IMMP2L: variants seen among roughly 807,000 people sequenced by gnomAD.
IMMP2L encodes the protein inner mitochondrial membrane peptidase subunit 2.
A neutral mutation model predicts 19.3 loss-of-function variants in IMMP2L; 18 were observed. The ratio of observed to expected loss-of-function variants is 0.93; its 90% CI spans 0.64 to 1.38. The LOEUF (loss-of-function observed/expected upper bound fraction) is 1.38, where lower values mean the gene tolerates loss of function less well. IMMP2L is among the 40% of genes most tolerant of loss of function. The pLI, the probability that IMMP2L is intolerant of heterozygous loss-of-function variation, is 0.00. For synonymous variants in IMMP2L, 76 were observed against 73.0 expected, an observed-to-expected ratio of 1.04 and a Z score of -0.21; for missense variants, 233 against 218.2, an observed-to-expected ratio of 1.07 and a Z score of -0.43.
chr7:111,010,107 A>G (rs1824775622), intron 3 of IMMP2L, among the ~76,000 whole-genome samples: 1 of 152,164 alleles, frequency 6.6e-6, no homozygotes, highest in African/African-American at 2.4e-5. Context: ...AGCATTTCCC[A>G]TAGATTTTAC....
rs372004006 is a variant in IMMP2L, at chr7:111,131,124, T to C, written c.240-167559A>G. Among the ~76,000 whole-genome samples, 7 of 151,964 alleles carry C rather than the reference T, an allele frequency of 4.6e-5. No individual in the cohort carries two copies. In the South Asian group the frequency reaches 1.2e-3, roughly 27 times the overall value. The stretch of plus-strand genomic sequence containing the variant: ...ATTTCTTCTAACCACGGATATGGCA[T>C]ATATAAAATGCATTTTAAAAGTAGA... On this transcript the variant is annotated intron_variant, in intron 3 of 5. Coordinates refer to ENST00000405709, the MANE Select transcript of IMMP2L (RefSeq NM_032549.4).
intron 1 of IMMP2L, among the ~76,000 whole-genome samples, chr7:111,537,154 C>T (rs758669395): frequency 2.0e-5 from 3 of 151,938 alleles, no homozygotes; most frequent in Admixed American, 6.6e-5. Context: ...AGATATTGAA[C>T]ATTAAGCATT....
At chr7:110,994,246 C>T (rs930597804) in intron 3 of IMMP2L, among the ~76,000 whole-genome samples, 4 of 151,914 alleles carry the variant, frequency 2.6e-5, no homozygotes, top group African/African-American at 9.7e-5. Context: ...CTTGATTTCA[C>T]ACAAGCCATA....
At chr7:110,946,082 C>G (rs553317684) in intron 4 of IMMP2L, among the ~76,000 whole-genome samples, 5 of 152,138 alleles carry the variant, frequency 3.3e-5, no homozygotes, top group African/African-American at 9.7e-5. Context: ...AGGCCAAATA[C>G]GAAAACAGGT....
intron 3 of IMMP2L, among the ~76,000 whole-genome samples, chr7:111,120,918 A>G (rs1053831030): frequency 6.6e-6 from 1 of 151,076 alleles, no homozygotes; most frequent in South Asian, 2.1e-4. Context: ...TTGGCCTTTT[A>G]TGTTGCCTCT....
At chr7:111,302,143 G>A (rs114629620) in intron 3 of IMMP2L, among the ~76,000 whole-genome samples, 1 of 151,820 alleles carries the variant, frequency 6.6e-6, no homozygotes, top group African/African-American at 2.4e-5. Context: ...GAATGCCCTT[G>A]CCCCAGATTT....
At chr7:111,273,909 A>T (rs948101750) in intron 3 of IMMP2L, among the ~76,000 whole-genome samples, 1 of 152,192 alleles carries the variant, frequency 6.6e-6, no homozygotes, top group Non-Finnish European at 1.5e-5. Context: ...GATTTATAAC[A>T]AACTCCATTT....
intron 3 of IMMP2L, among the ~76,000 whole-genome samples, chr7:111,403,465 A>T (rs117017583): frequency 4.4e-4 from 67 of 151,640 alleles, no homozygotes; most frequent in Admixed American, 1.4e-3. Flanking sequence ...ATATATATAT[A>T]TTTTTAAACA....
intron 2 of IMMP2L, among the ~76,000 whole-genome samples, chr7:111,503,740 T>TG (rs1238810440): frequency 1.3e-4 from 20 of 152,240 alleles, no homozygotes; most frequent in African/African-American, 4.6e-4. Context: ...TCTCAATAGA[T>TG]GCAGAAAAGG....
At chr7:110,669,768 C>G (rs765850721) in intron 5 of IMMP2L, among the ~76,000 whole-genome samples, 1 of 152,162 alleles carries the variant, frequency 6.6e-6, no homozygotes, top group Non-Finnish European at 1.5e-5. Context: ...AACTCTGGTT[C>G]TAGAAGCTTT....
intron 3 of IMMP2L, among the ~76,000 whole-genome samples, chr7:111,204,242 C>T (rs1463938529): frequency 6.6e-6 from 1 of 152,122 alleles, no homozygotes; most frequent in Non-Finnish European, 1.5e-5. Context: ...CTCACTGATG[C>T]AAATGTCTCA....
intron 3 of IMMP2L, among the ~76,000 whole-genome samples, chr7:111,450,995 C>T (rs922460366): frequency 6.6e-6 from 1 of 151,290 alleles, no homozygotes; most frequent in Non-Finnish European, 1.5e-5. Flanking sequence ...AAATGCAAAT[C>T]AAAACCACCA....
chr7:111,204,165 A>G (rs1476731666), intron 3 of IMMP2L, among the ~76,000 whole-genome samples: 1 of 152,184 alleles, frequency 6.6e-6, no homozygotes, highest in Non-Finnish European at 1.5e-5. Context: ...CTGTCCAACA[A>G]TGTTTCAACG....
chr7:111,377,821 C>G (rs1830823197), intron 3 of IMMP2L, among the ~76,000 whole-genome samples: 1 of 151,938 alleles, frequency 6.6e-6, no homozygotes, highest in South Asian at 2.1e-4. Flanking sequence ...GCTGTTAATC[C>G]TACCACAGTA....
At chr7:111,272,260 T>C (rs553298123) in intron 3 of IMMP2L, among the ~76,000 whole-genome samples, 82 of 152,226 alleles carry the variant, frequency 5.4e-4, no homozygotes, top group Admixed American at 1.9e-3. Flanking sequence ...TCTCATTTTA[T>C]CCTCCCTCAG....
chr7:110,882,762 C>A (rs1196562898), intron 5 of IMMP2L, among the ~76,000 whole-genome samples: 1 of 149,796 alleles, frequency 6.7e-6, no homozygotes, highest in Admixed American at 6.6e-5. Context: ...TTTGTTTTTT[C>A]TTTTTCTTTT....
Position 111,158,672 on chromosome 7 carries a change from C to A in IMMP2L, c.240-195107G>T, listed in dbSNP as rs757458943. 3.9e-5 allele frequency among the ~76,000 whole-genome samples: 6 copies of A among 152,128 alleles called. No individual in the cohort carries two copies. In the East Asian group the frequency reaches 1.2e-3, roughly 29 times the overall value. On this transcript the variant is annotated intron_variant, in intron 3 of 5. Transcript: ENST00000405709. ...AGGTTAAGAAGTTATATTGCATATACGTTTTTTCAAAGATCCACAAATACA... is the reference window on the plus strand; with the variant it reads ...AGGTTAAGAAGTTATATTGCATATAAGTTTTTTCAAAGATCCACAAATACA...
At chr7:110,915,730 A>G (rs1429146413) in intron 4 of IMMP2L, among the ~76,000 whole-genome samples, 2 of 152,234 alleles carry the variant, frequency 1.3e-5, no homozygotes, top group African/African-American at 2.4e-5. Context: ...ATCACACTGT[A>G]CACTTTGAAT....
At chr7:111,332,090 A>T (rs1307376700) in intron 3 of IMMP2L, among the ~76,000 whole-genome samples, 1 of 151,956 alleles carries the variant, frequency 6.6e-6, no homozygotes, top group Non-Finnish European at 1.5e-5. Context: ...TTTTATAGGC[A>T]TGAGGCAGGA....
Sources: gnomAD v4.1 joint callset for allele counts (sites outside exome capture counted in the v4.1 genomes callset) on GRCh38, gnomAD v4.1.1 for gene constraint, MANE v1.5 for transcripts, NCBI Gene and HGNC (gene_info 2026-07-23, HGNC 2026-07-21) for gene names.